Variants in TENM2 observed in about 807,000 individuals in gnomAD.
TENM2 encodes the protein teneurin transmembrane protein 2.
In TENM2, 52 loss-of-function variants were observed where a neutral mutation model predicts 245.2. That is an observed-to-expected ratio of 0.21 (90% CI 0.17 to 0.27). The LOEUF is 0.27. Ranked by LOEUF, TENM2 falls within the 10% of genes least tolerant of loss-of-function variation. The pLI is 1.00. For missense variants in TENM2, 3,046 were observed against 3,666.8 expected (o/e 0.83, Z 4.37); for synonymous variants, 1,363 against 1,438.9 (o/e 0.95, Z 1.19).
chr5:167,227,690 C>A, the TENM2 span, among the ~76,000 whole-genome samples: 1 of 152,100 alleles, frequency 6.6e-6, no homozygotes, highest in Non-Finnish European at 1.5e-5. Context: ...TTAGATTTCT[C>A]TTTGTCTTTG....
At chr5:167,266,836 C>T in the TENM2 span, among the ~76,000 whole-genome samples, 7 of 152,094 alleles carry the variant, frequency 4.6e-5, no homozygotes, top group African/African-American at 1.2e-4. Context: ...AAAGTCACGC[C>T]GGTTCATGAA....
intron 2 of TENM2, among the ~76,000 whole-genome samples, chr5:167,616,389 A>G (rs1582553656): frequency 6.6e-6 from 1 of 152,144 alleles, no homozygotes; most frequent in Non-Finnish European, 1.5e-5. Flanking sequence ...TGCCATTTGT[A>G]GAGATGGCAG....
intron 3 of TENM2, among the ~76,000 whole-genome samples, chr5:167,938,370 G>A (rs75859677): frequency 6.6e-6 from 1 of 152,184 alleles, no homozygotes; most frequent in African/African-American, 2.4e-5. Flanking sequence ...ATATGCCTCT[G>A]TGAAACACTT....
In TENM2 at chr5:168,247,621, C is replaced by T; in HGVS notation, c.6682C>T (p.Leu2228Phe). 1 of 1,613,938 alleles carries T rather than the reference C, an allele frequency of 6.2e-7. No individual in the cohort carries two copies. Among genetic ancestry groups the T allele is most frequent in the Non-Finnish European group, 8.5e-7 (1 of 1,179,874 alleles). ...CCCGACCTGGCGCTACAGCTATGACCTTAATGGGAATCTCCACTTACTGAA... is the reference window on the plus strand; with the variant it reads ...CCCGACCTGGCGCTACAGCTATGACTTTAATGGGAATCTCCACTTACTGAA... Residue 2228 changes from leucine (L) to phenylalanine (F), a missense_variant, in exon 27 of 29, where the codon CTT becomes TTT. Leu to Phe is a conservative substitution (Grantham distance 22). Transcript: ENST00000518659. The surrounding 1 kb of genome is among the most constrained non-coding windows in gnomAD (Gnocchi z 7.8).
At chr5:167,431,182 T>C (rs2127442301) in intron 2 of TENM2, among the ~76,000 whole-genome samples, 1 of 152,286 alleles carries the variant, frequency 6.6e-6, no homozygotes, top group Middle Eastern at 3.4e-3. Flanking sequence ...AGATTTTAGG[T>C]CATTAAGACA....
At chr5:168,107,785 A>G (rs986485217) in intron 9 of TENM2, among the ~76,000 whole-genome samples, 13 of 152,138 alleles carry the variant, frequency 8.5e-5, no homozygotes, top group African/African-American at 1.7e-4. Flanking sequence ...GTTCTCATCA[A>G]TCCCAGCCTT....
At chr5:167,461,700 C>T (rs1475900419) in intron 2 of TENM2, among the ~76,000 whole-genome samples, 1 of 152,146 alleles carries the variant, frequency 6.6e-6, no homozygotes, top group African/African-American at 2.4e-5. Flanking sequence ...ATTCTAAAAT[C>T]AGCAACCAAG....
At chr5:168,006,369 C>A (rs1784819595) in intron 5 of TENM2, among the ~76,000 whole-genome samples, 1 of 152,112 alleles carries the variant, frequency 6.6e-6, no homozygotes, top group Non-Finnish European at 1.5e-5. Context: ...GTCATGCGGT[C>A]TTGACTGAAG....
At chr5:167,269,371 C>T in the TENM2 span, among the ~76,000 whole-genome samples, 6 of 152,062 alleles carry the variant, frequency 3.9e-5, no homozygotes, top group Non-Finnish European at 7.4e-5. Context: ...GCAAGAGGCA[C>T]GGTCCCTGCC....
the TENM2 span, among the ~76,000 whole-genome samples, chr5:167,127,686 G>C: frequency 6.7e-6 from 1 of 148,518 alleles, no homozygotes; most frequent in African/African-American, 2.5e-5. Flanking sequence ...ACTTTAATGA[G>C]CCTCTGGTCT....
Position 167,716,282 on chromosome 5 carries a change from G to C in TENM2, c.503-159704G>C, listed in dbSNP as rs577627663. Among the ~76,000 whole-genome samples the C allele has an allele frequency of 2.4e-4, 37 of 152,318 alleles. 1 individual carries two copies. The South Asian group carries it at 7.5e-3, about 31-fold the overall frequency. On this transcript the variant is annotated intron_variant, in intron 2 of 28. Coordinates refer to ENST00000518659, the Ensembl canonical transcript of TENM2. ...CCCAAGGTATCTCTTTAACATTCAT[G>C]CCTTCTCCCACAATCTGCTAGTCTG...
intron 2 of TENM2, among the ~76,000 whole-genome samples, chr5:167,861,371 G>A (rs1244264443): frequency 6.6e-6 from 1 of 152,168 alleles, no homozygotes; most frequent in Non-Finnish European, 1.5e-5. Flanking sequence ...CAGCCTTGCG[G>A]GTGGTTTTCA....
intron 2 of TENM2, among the ~76,000 whole-genome samples, chr5:167,791,003 T>C (rs1764916022): frequency 6.6e-6 from 1 of 152,176 alleles, no homozygotes; most frequent in Admixed American, 6.5e-5. Context: ...CAGAATATGA[T>C]TCAAAAATCT....
chr5:167,932,665 G>A (rs1287052038), intron 3 of TENM2, among the ~76,000 whole-genome samples: 1 of 152,050 alleles, frequency 6.6e-6, no homozygotes, highest in Admixed American at 6.5e-5. Context: ...TCCCTCATCC[G>A]CTAAGCCAAG....
At chr5:167,219,620 C>A in the TENM2 span, among the ~76,000 whole-genome samples, 1 of 152,214 alleles carries the variant, frequency 6.6e-6, no homozygotes, top group African/African-American at 2.4e-5. Flanking sequence ...CCTTCTATAG[C>A]CTCTTTAGAG....
intron 2 of TENM2, among the ~76,000 whole-genome samples, chr5:167,497,058 C>G (rs1024445633): frequency 6.6e-6 from 1 of 151,804 alleles, no homozygotes; most frequent in Non-Finnish European, 1.5e-5. Flanking sequence ...CTGGTTTATC[C>G]TGTCAGAATG....
At chr5:167,978,093 G>A (rs932668271) in intron 4 of TENM2, among the ~76,000 whole-genome samples, 1 of 152,156 alleles carries the variant, frequency 6.6e-6, no homozygotes, top group African/African-American at 2.4e-5. Flanking sequence ...ATGATTGGAA[G>A]CTTCCTGAGG....
At chr5:167,360,104 CAACA>C (rs1321913395) in intron 1 of TENM2, among the ~76,000 whole-genome samples, 3 of 152,132 alleles carry the variant, frequency 2.0e-5, no homozygotes, top group Non-Finnish European at 4.4e-5. Flanking sequence ...GAAATCTGTA[CAACA>C]AACCCCGGTG....
At chr5:167,084,327 T>TTATATATATATATATATATATATATA in the TENM2 span, among the ~76,000 whole-genome samples, 2 of 23,180 alleles carry the variant, frequency 8.6e-5, no homozygotes, top group Non-Finnish European at 1.2e-4. Context: ...GCCATTTTAG[T>TTATATATATATATATATATATATATA]TATATATATA....
Sources: gnomAD v4.1 joint callset for allele counts (sites outside exome capture counted in the v4.1 genomes callset) on GRCh38, gnomAD v4.1.1 for gene constraint, Gnocchi (gnomAD v3.1) non-coding constraint, MANE v1.5 for transcripts, NCBI Gene and HGNC (gene_info 2026-07-23, HGNC 2026-07-21) for gene names.